The following HMCN2 variants were observed in gnomAD, a reference collection of about 807,000 sequenced individuals.
HMCN2 encodes hemicentin-2.
Under a neutral mutation model 377.5 loss-of-function variants are expected in HMCN2, and 325 were observed. That is an observed-to-expected ratio of 0.86 (90% CI 0.79 to 0.94). The LOEUF (loss-of-function observed/expected upper bound fraction) is 0.94. Among genes scored for constraint, HMCN2 ranks in the 40% least tolerant of loss-of-function variants. The pLI is 0.00. For missense variants in HMCN2, 4,543 were observed against 4,725.3 expected (o/e 0.96, Z 1.13); for synonymous variants, 2,007 against 2,046.8 (o/e 0.98, Z 0.53).
intron 54 of HMCN2, among the ~76,000 whole-genome samples, chr9:130,380,112 G>A (rs1841624832): frequency 6.6e-6 from 1 of 152,164 alleles, no homozygotes; most frequent in South Asian, 2.1e-4. Flanking sequence ...CCGACCTCAG[G>A]TGATCCACCG....
Position 130,393,365 on chromosome 9 carries a change from G to A in HMCN2, c.10234+56G>A, listed in dbSNP as rs983103054. ...TCTGGCCTTGGTGGGTGAGAATCAA[G>A]GCCCTTGGCCCCCCTGCCCTTCTGG... On this transcript the variant is annotated intron_variant, in intron 67 of 97. Transcript: ENST00000683500. The surrounding 1 kb of genome is among the most constrained non-coding windows in gnomAD (Gnocchi z 5.2). The A allele has an allele frequency of 5.1e-6, 5 of 974,372 alleles. No individual in the cohort carries two copies. The highest frequency in any genetic ancestry group is 4.9e-6 in the Non-Finnish European group (4 of 816,196). The allele number at this position is 974,372 out of a possible 1,614,324, so 60.4% of individuals were successfully genotyped here. A position where few individuals can be genotyped will look rare whatever the true frequency, so the allele number is the denominator to read the frequency against.
chr9:130,433,216 C>T (rs1162210551), intron 97 of HMCN2, 132 bp from the exon 98 acceptor site: 4 of 652,710 alleles, frequency 6.1e-6, no homozygotes, highest in Admixed American at 8.4e-5. Context: ...GCGTGTGGGG[C>T]TCTGCGGGAG....
intron 93 of HMCN2, 166 bp from the exon 94 acceptor site, chr9:130,429,390 TG>T: frequency 1.3e-6 from 1 of 776,840 alleles, no homozygotes; most frequent in Non-Finnish European, 2.0e-6. Context: ...ACCTCCAACC[TG>T]GTATAACTGG....
At chr9:130,420,847 C>T (rs547079786) in intron 86 of HMCN2, among the ~76,000 whole-genome samples, 207 of 152,192 alleles carry the variant, frequency 1.4e-3, no homozygotes, top group African/African-American at 4.6e-3. Context: ...GGGGTTAAGA[C>T]TTCAACGTAT....
rs1322770579 is a variant in HMCN2, at chr9:130,433,572, C to T, written c.15119C>T (p.Ala5040Val). ...CGTCCGCTGCGCGCGGGCCTTGGCGCGGTCTACACCCGTCGCGCGCTCACC... is the reference window on the plus strand; with the variant it reads ...CGTCCGCTGCGCGCGGGCCTTGGCGTGGTCTACACCCGTCGCGCGCTCACC... ...ALRPLRAGLG[A>V]VYTRRALTRA... is the part of the protein sequence containing the mutation. Residue 5040 changes from alanine to valine, a missense_variant, in exon 98 of 98, where the codon GCG (alanine) becomes GTG (valine). Physicochemically the swap from Ala to Val is moderately conservative, Grantham distance 64. Coordinates refer to ENST00000683500, the MANE Select transcript of HMCN2 (RefSeq NM_001291815.2). 4.8e-6 allele frequency: 7 copies of T among 1,468,232 alleles called. No individual in the cohort carries two copies. The highest frequency in any genetic ancestry group is 5.5e-5 in the Admixed American group (2 of 36,382). The allele number at this position is 1,468,232 out of a possible 1,614,324, so 91.0% of individuals were successfully genotyped here. A position where few individuals can be genotyped will look rare whatever the true frequency, so the allele number is the denominator to read the frequency against.
At chr9:130,359,764 C>T (rs1463226048) in intron 37 of HMCN2, among the ~76,000 whole-genome samples, 2 of 152,170 alleles carry the variant, frequency 1.3e-5, no homozygotes, top group Admixed American at 6.5e-5. Flanking sequence ...GAGCTGGGGG[C>T]TGGGTGTGGG....
chr9:130,282,455 C>T (rs1554926050), intron 1 of HMCN2, among the ~76,000 whole-genome samples: 1 of 152,208 alleles, frequency 6.6e-6, no homozygotes, highest in Non-Finnish European at 1.5e-5. Context: ...CAGATCTGGC[C>T]AAGCTCCAAG....
chr9:130,356,046 C>CCTGG (rs1455103547), intron 33 of HMCN2, 42 bp from the exon 34 acceptor site: 39 of 1,200,158 alleles, frequency 3.2e-5, no homozygotes, highest in Non-Finnish European at 4.0e-5. Context: ...CCTGGCCTTC[C>CCTGG]CTGGTCTCAG....
In HMCN2 at chr9:130,428,475, G is replaced by T; in HGVS notation, c.14183G>T (p.Gly4728Val). ...GGGCCTGGCTTCCGGGTGGCTGATG[G>T]GGCCGGCTGTGAAGGTGATGGGGGC... The part of the protein sequence containing the change: ...DCGPGFRVAD[G>V]AGCEDVDECL... Residue 4728 changes from glycine (G) to valine (V), a missense_variant, in exon 93 of 98, where the codon GGG (glycine) becomes GTG (valine). Around this residue, in one of 5 missense-constraint regions of HMCN2, gnomAD observed 1,155 missense variants for 1,157.7 expected, o/e 1.00. Transcript: ENST00000683500. This position sits in a 1 kb window ranked among gnomAD's most constrained non-coding sequence, Gnocchi z 5.0. The T allele has an allele frequency of 6.5e-7, 1 of 1,541,700 alleles. No individual in the cohort carries two copies. Among genetic ancestry groups the T allele is most frequent in the East Asian group, 2.4e-5 (1 of 40,912 alleles).
chr9:130,390,521 G>C (rs964883577), intron 62 of HMCN2, among the ~76,000 whole-genome samples: 1 of 152,112 alleles, frequency 6.6e-6, no homozygotes, highest in Admixed American at 6.5e-5. Flanking sequence ...TTGGGCAGGG[G>C]TGTGGCTGGA....
At chr9:130,424,247 T>C (rs765904691) in intron 87 of HMCN2, among the ~76,000 whole-genome samples, 10 of 151,328 alleles carry the variant, frequency 6.6e-5, no homozygotes, top group Non-Finnish European at 1.2e-4. Context: ...GGCATGATCT[T>C]GGCTCACTGC....
chr9:130,306,998 C>T, intron 13 of HMCN2, 60 bp downstream of exon 13: 2 of 424,006 alleles, frequency 4.7e-6, no homozygotes, highest in Non-Finnish European at 5.0e-6. Context: ...CCTCCTCCCT[C>T]CCTCCCATCC....
intron 46 of HMCN2, 72 bp from the exon 47 acceptor site, chr9:130,372,222 C>T (rs60657291): frequency 0.016 from 6,850 of 426,504 alleles, 474 homozygotes; most frequent in African/African-American, 0.14. Context: ...TCCTGCTGGG[C>T]AGCAGGGGGC....
chr9:130,420,065 C>CTTTT lies in HMCN2; in HGVS notation c.13231+1045_13231+1048dup, dbSNP rs10586199. ...TGTATTTCAGGGCTTCGTCCCACTT[C>CTTTT]TTTTTTTTTTTTTTTTTTTTTTTTG... On this transcript the variant is annotated intron_variant, in intron 86 of 97. Transcript: ENST00000683500. Among the ~76,000 whole-genome samples the CTTTT allele has an allele frequency of 4.5e-3, 343 of 77,022 alleles. 2 individuals carry two copies. Among genetic ancestry groups the CTTTT allele is most frequent in the East Asian group, 0.011 (26 of 2,416 alleles). 50.5% of individuals were successfully genotyped at this position (77,022 alleles called of 152,430 possible). A position where few individuals can be genotyped will look rare whatever the true frequency, so the allele number is the denominator to read the frequency against.
Position 130,392,082 on chromosome 9 carries a change from A to C in HMCN2, c.10100A>C (p.Gln3367Pro), listed in dbSNP as rs1286942336. 1.0e-6 allele frequency: 1 copy of C among 988,356 alleles called. No individual in the cohort carries two copies. Among genetic ancestry groups the C allele is most frequent in the African/African-American group, 1.7e-5 (1 of 57,312 alleles). The allele number at this position is 988,356 out of a possible 1,614,324, so 61.2% of individuals were successfully genotyped here. Residue 3367 changes from glutamine to proline, a missense_variant, in exon 66 of 98, where the codon CAG becomes CCG. Around this residue, in one of 5 missense-constraint regions of HMCN2, gnomAD observed 1,073 missense variants for 1,319.5 expected, o/e 0.81. Coordinates refer to ENST00000683500, the MANE Select transcript of HMCN2 (RefSeq NM_001291815.2). ...GACGGCCTGCCCCTCCCGCTCTCCC[A>C]GCGCACCCTCCTCCACGGCTCTGGC... is the stretch of plus-strand genomic sequence containing the variant. ...LKDGLPLPLS[Q>P]RTLLHGSGHT...
At chr9:130,266,686 T>C (rs571587203) in intron 1 of HMCN2, among the ~76,000 whole-genome samples, 1 of 152,344 alleles carries the variant, frequency 6.6e-6, no homozygotes, top group Non-Finnish European at 1.5e-5. Context: ...CCCTCGCCTG[T>C]CTTCCCTGGG....
intron 1 of HMCN2, among the ~76,000 whole-genome samples, chr9:130,283,429 C>T (rs568711485): frequency 5.6e-4 from 85 of 150,886 alleles, no homozygotes; most frequent in Non-Finnish European, 1.1e-3. Flanking sequence ...ACCCACCCCC[C>T]ACTCAGTGAC....
chr9:130,395,134 C>CT, intron 70 of HMCN2, 26 bp downstream of exon 70: 3 of 906,336 alleles, frequency 3.3e-6, no homozygotes, highest in South Asian at 2.2e-5. Context: ...GGGGTGGGGG[C>CT]AGGGCCGGGA....
intron 22 of HMCN2, among the ~76,000 whole-genome samples, chr9:130,333,601 G>T (rs894666629): frequency 6.6e-6 from 1 of 152,162 alleles, no homozygotes; most frequent in South Asian, 2.1e-4. Context: ...AGTCTGCCCC[G>T]CTCATCACAC....
Sources: allele counts gnomAD v4.1 joint callset (sites outside exome capture counted in the v4.1 genomes callset), GRCh38; gene constraint gnomAD v4.1.1; regional missense constraint gnomAD v4.1.1; non-coding constraint Gnocchi (gnomAD v3.1); transcripts MANE v1.5; gene names NCBI Gene and HGNC (gene_info 2026-07-23, HGNC 2026-07-21).